Variants in RNF146 observed in about 807,000 individuals in gnomAD.
RNF146 encodes the protein E3 ubiquitin-protein ligase RNF146.
A neutral mutation model predicts 29.7 loss-of-function variants in RNF146; 11 were observed. The observed-to-expected ratio is 0.37, with a 90% CI of 0.23 to 0.61. RNF146 has a LOEUF of 0.61. Ranked by LOEUF, RNF146 falls within the 20% of genes least tolerant of loss-of-function variation. The probability of loss-of-function intolerance (pLI) is 0.66; values close to 1 mark genes in which losing one functional copy is unlikely to be tolerated. For synonymous variants in RNF146, 150 were observed against 159.7 expected, an observed-to-expected ratio of 0.94 and a Z score of 0.46; for missense variants, 342 against 438.9, an observed-to-expected ratio of 0.78 and a Z score of 1.97.
At chr6:127,274,634 G>A (rs987031874) in intron 1 of RNF146, among the ~76,000 whole-genome samples, 1 of 152,138 alleles carries the variant, frequency 6.6e-6, no homozygotes, top group Non-Finnish European at 1.5e-5. Context: ...TCACACTAGA[G>A]GTTTTACCAT....
intron 1 of RNF146, among the ~76,000 whole-genome samples, chr6:127,268,359 G>A (rs951413544): frequency 2.0e-5 from 3 of 152,164 alleles, no homozygotes; most frequent in Admixed American, 2.0e-4. Context: ...AAGGACACGT[G>A]GAGAAAATGT....
At chr6:127,272,205 G>T (rs1777596934) in intron 1 of RNF146, among the ~76,000 whole-genome samples, 1 of 152,060 alleles carries the variant, frequency 6.6e-6, no homozygotes, top group African/African-American at 2.4e-5. Context: ...GTTGTTTTGA[G>T]GATTCAGTGA....
At chr6:127,280,399 C>CGT in intron 2 of RNF146, 59 bp downstream of exon 2, 1 of 1,526,228 alleles carries the variant, frequency 6.6e-7, no homozygotes, top group Non-Finnish European at 8.9e-7. Flanking sequence ...ATTGGTTTAA[C>CGT]GTGTGGTAAA....
chr6:127,280,700 G>A (rs1318038667), intron 2 of RNF146: 3 of 326,350 alleles, frequency 9.2e-6, no homozygotes, highest in Non-Finnish European at 1.3e-5. Context: ...CAGACTACTA[G>A]GTTATAAAAA....
intron 1 of RNF146, among the ~76,000 whole-genome samples, chr6:127,269,722 G>C (rs1274209299): frequency 6.6e-6 from 1 of 152,066 alleles, no homozygotes. Context: ...CTCTCAATTT[G>C]TGACTGGTTT....
Position 127,288,049 on chromosome 6 carries a change from G to A in RNF146, c.*356G>A, listed in dbSNP as rs527565226. On this transcript the variant is annotated 3_prime_UTR_variant, in exon 3 of 3. Transcript: ENST00000368314. ...GCATTGTGTCTTATTTTTCTGCATG[G>A]ATTGGCATAAGACCATTACTAAAAT... 5.6e-6 allele frequency: 1 copy of A among 177,468 alleles called. No homozygotes were observed. The highest frequency in any genetic ancestry group is 2.4e-5 in the African/African-American group (1 of 41,786). The allele number at this position is 177,468 out of a possible 1,614,324, so 11.0% of individuals were successfully genotyped here.
chr6:127,283,752 A>T (rs1779187928), intron 2 of RNF146, among the ~76,000 whole-genome samples: 1 of 151,842 alleles, frequency 6.6e-6, no homozygotes, highest in Admixed American at 6.6e-5. Context: ...GGCTAAACAG[A>T]ATCAGAATTT....
Position 127,286,219 on chromosome 6 carries a change from G to C in RNF146, c.3-397G>C. 1 of 1,224,456 alleles carries C rather than the reference G, an allele frequency of 8.2e-7. No homozygotes were observed. The highest frequency in any genetic ancestry group is 1.0e-6 in the Non-Finnish European group (1 of 980,378). 75.8% of individuals were successfully genotyped at this position (1,224,456 alleles called of 1,614,324 possible). ...TAATGGTTTAACTGAGTGCCTAAGAGCACATAATTAATAAAGGACTCTAAA... is the reference window on the plus strand; with the variant it reads ...TAATGGTTTAACTGAGTGCCTAAGACCACATAATTAATAAAGGACTCTAAA... On this transcript the variant is annotated intron_variant, in intron 2 of 2. Coordinates refer to ENST00000368314, the MANE Select transcript of RNF146 (RefSeq NM_001242850.2). This position sits in a 1 kb window ranked among gnomAD's most constrained non-coding sequence, Gnocchi z 4.6.
At chr6:127,275,278 GA>G (rs1466086186) in intron 1 of RNF146, among the ~76,000 whole-genome samples, 1 of 152,108 alleles carries the variant, frequency 6.6e-6, no homozygotes, top group East Asian at 1.9e-4. Flanking sequence ...AAGATACAAA[GA>G]TGGGTTGAAT....
intron 1 of RNF146, among the ~76,000 whole-genome samples, chr6:127,279,413 G>T (rs1778658865): frequency 6.6e-6 from 1 of 151,728 alleles, no homozygotes; most frequent in Non-Finnish European, 1.5e-5. Flanking sequence ...CACCCTTTTG[G>T]AAAATCAGTT....
chr6:127,279,655 G>T (rs1020647980), intron 1 of RNF146, among the ~76,000 whole-genome samples: 12 of 151,792 alleles, frequency 7.9e-5, no homozygotes, highest in African/African-American at 2.9e-4. Flanking sequence ...TAGGAATTAT[G>T]TTGAATCTGT....
intron 2 of RNF146, chr6:127,285,383 A>G (rs1779374258): frequency 2.0e-6 from 2 of 975,776 alleles, no homozygotes; most frequent in African/African-American, 1.8e-5. Flanking sequence ...TTTTGTAACT[A>G]CTGACCCATT....
At chr6:127,270,239 A>G (rs1777274152) in intron 1 of RNF146, among the ~76,000 whole-genome samples, 1 of 151,836 alleles carries the variant, frequency 6.6e-6, no homozygotes, top group Admixed American at 6.6e-5. Flanking sequence ...TAATCCCTAA[A>G]CCCCTTTGTG....
chr6:127,270,769 A>G (rs902731790), intron 1 of RNF146, among the ~76,000 whole-genome samples: 4 of 151,706 alleles, frequency 2.6e-5, no homozygotes, highest in Admixed American at 1.3e-4. Flanking sequence ...GAAGGCCTTT[A>G]TGATGATCCA....
chr6:127,273,420 ATATTT>A (rs1165047402), intron 1 of RNF146, among the ~76,000 whole-genome samples: 1 of 152,118 alleles, frequency 6.6e-6, no homozygotes, highest in African/African-American at 2.4e-5. Flanking sequence ...TAATTTCTCT[ATATTT>A]TATAATACTA....
intron 1 of RNF146, 58 bp from the exon 2 acceptor site, chr6:127,280,173 G>T: frequency 1.6e-6 from 1 of 639,466 alleles, no homozygotes; most frequent in Non-Finnish European, 2.7e-6. Context: ...TTTTTTGAAA[G>T]GATTATACAT....
intron 1 of RNF146, among the ~76,000 whole-genome samples, chr6:127,276,160 G>C (rs1031824724): frequency 2.0e-4 from 30 of 151,426 alleles, no homozygotes; most frequent in African/African-American, 7.0e-4. Flanking sequence ...GTGAGTGTAT[G>C]TGTGTGTGTG....
At chr6:127,281,240 A>G (rs566436131) in intron 2 of RNF146, among the ~76,000 whole-genome samples, 12 of 151,880 alleles carry the variant, frequency 7.9e-5, no homozygotes, top group African/African-American at 2.9e-4. Flanking sequence ...GAAAAATGAT[A>G]CTAATAAGCA....
chr6:127,287,861 ATTTAT>A lies in RNF146; in HGVS notation c.*171_*175del. ...ATGTCTAACATGTCTCTGTTGAGAA[ATTTAT>A]TTAATGTAAGGAACTTGGGTGTTAA... On this transcript the variant is annotated 3_prime_UTR_variant, in exon 3 of 3. Coordinates refer to ENST00000368314, the MANE Select transcript of RNF146 (RefSeq NM_001242850.2). The A allele has an allele frequency of 1.9e-6, 1 of 536,132 alleles. No homozygotes were observed. Among genetic ancestry groups the A allele is most frequent in the East Asian group, 3.0e-5 (1 of 33,164 alleles). 33.2% of individuals were successfully genotyped at this position (536,132 alleles called of 1,614,324 possible).
Sources: gnomAD v4.1 joint callset for allele counts (sites outside exome capture counted in the v4.1 genomes callset) on GRCh38, gnomAD v4.1.1 for gene constraint, Gnocchi (gnomAD v3.1) non-coding constraint, MANE v1.5 for transcripts, NCBI Gene and HGNC (gene_info 2026-07-23, HGNC 2026-07-21) for gene names.